The following EPHB2 variants were observed in gnomAD, a reference collection of about 807,000 sequenced individuals.
The protein encoded by EPHB2 is ephrin type-B receptor 2.
EPHB2 carries 18 observed loss-of-function variants against 96.4 expected under a neutral mutation model. That is an observed-to-expected ratio of 0.19 (90% confidence interval 0.13 to 0.28). EPHB2 has a LOEUF of 0.28. Ranked by LOEUF, EPHB2 falls within the 10% of genes least tolerant of loss-of-function variation. EPHB2 has a pLI of 1.00. For missense variants in EPHB2, 989 were observed against 1,355.4 expected, an observed-to-expected ratio of 0.73 and a Z score of 4.25; for synonymous variants, 506 against 534.1, an observed-to-expected ratio of 0.95 and a Z score of 0.72.
intron 1 of EPHB2, among the ~76,000 whole-genome samples, chr1:22,759,820 G>A (rs1644209718): frequency 6.6e-6 from 1 of 152,136 alleles, no homozygotes; most frequent in Admixed American, 6.5e-5. Context: ...GATGACTGTA[G>A]CACCCTCTGG....
At chr1:22,769,302 T>C (rs1644347508) in intron 1 of EPHB2, among the ~76,000 whole-genome samples, 2 of 152,216 alleles carry the variant, frequency 1.3e-5, no homozygotes, top group Admixed American at 6.5e-5. Context: ...TGGAAAGTGC[T>C]TGGGAACTAG....
intron 1 of EPHB2, among the ~76,000 whole-genome samples, chr1:22,712,588 G>A (rs1643183120): frequency 6.6e-6 from 1 of 152,174 alleles, no homozygotes; most frequent in South Asian, 2.1e-4. Flanking sequence ...GGGGTGGGGG[G>A]TGTCCCTGGA....
At chr1:22,876,846 C>T (rs1638853974) in intron 5 of EPHB2, among the ~76,000 whole-genome samples, 1 of 152,228 alleles carries the variant, frequency 6.6e-6, no homozygotes, top group Non-Finnish European at 1.5e-5. Flanking sequence ...TGATCATCTT[C>T]CTGGCAAATG....
chr1:22,778,413 C>G (rs1316048598), intron 1 of EPHB2, among the ~76,000 whole-genome samples: 1 of 152,206 alleles, frequency 6.6e-6, no homozygotes, highest in Non-Finnish European at 1.5e-5. Flanking sequence ...GGTCTGTCTG[C>G]TCTGCTCATC....
rs1363893738 is a variant in EPHB2 at position 22,913,877 on chromosome 1, G to A, written c.*307G>A. The stretch of plus-strand genomic sequence containing the variant: ...CTGTTCTTGCGGGGGATAAAAAAGG[G>A]CTTGGGAGATTCATGCGATGTGTCC... On this transcript the variant is annotated 3_prime_UTR_variant, in exon 16 of 16. Coordinates refer to ENST00000374630, the MANE Select transcript of EPHB2 (RefSeq NM_017449.5). This position sits in a 1 kb window ranked among gnomAD's most constrained non-coding sequence, Gnocchi z 4.1. 2 of 1,588,328 alleles carry A rather than the reference G, an allele frequency of 1.3e-6. No homozygotes were observed. The highest frequency in any genetic ancestry group is 2.7e-5 in the African/African-American group (2 of 73,574).
intron 3 of EPHB2, among the ~76,000 whole-genome samples, chr1:22,823,473 GC>G (rs1254163163): frequency 6.6e-6 from 1 of 152,170 alleles, no homozygotes; most frequent in East Asian, 1.9e-4. Context: ...TTCACAAAAT[GC>G]TTCCTGTGTG....
chr1:22,902,286 G>A (rs1182508403), intron 9 of EPHB2, among the ~76,000 whole-genome samples: 1 of 152,230 alleles, frequency 6.6e-6, no homozygotes. Context: ...GGGTTGTTAG[G>A]AGGATTAATT....
rs1263974391 is a variant in EPHB2 at position 22,846,845 on chromosome 1, C to T, written c.812-16192C>T. The stretch of plus-strand genomic sequence containing the variant: ...CCCTCCTCTGGGCTTCCAGACCCAG[C>T]GCCTCTTCCCCACAGGCTTCCCCAG... On this transcript the variant is annotated intron_variant, in intron 3 of 15. Transcript: ENST00000374630. This position sits in a 1 kb window ranked among gnomAD's most constrained non-coding sequence, Gnocchi z 4.3. Among the ~76,000 whole-genome samples the T allele has an allele frequency of 6.6e-6, 1 of 152,222 alleles. No individual in the cohort carries two copies. Among genetic ancestry groups the T allele is most frequent in the Admixed American group, 6.5e-5 (1 of 15,276 alleles).
intron 8 of EPHB2, among the ~76,000 whole-genome samples, chr1:22,895,905 C>T (rs1215936053): frequency 6.6e-6 from 1 of 152,198 alleles, no homozygotes; most frequent in Non-Finnish European, 1.5e-5. Flanking sequence ...ACAGATTGTC[C>T]TGCTTTCTGC....
intron 2 of EPHB2, 141 bp downstream of exon 2, chr1:22,781,626 C>A: frequency 1.3e-6 from 1 of 768,226 alleles, no homozygotes; most frequent in Non-Finnish European, 2.2e-6. Context: ...CCCACCCTCC[C>A]AATCCCCTAC....
At position 22,818,139 on chromosome 1, in the gene EPHB2, C is replaced by T. The variant is rs553998011; in HGVS notation, c.811+33063C>T. ...TCCCTTACTACAGCTGACCCTTTCA[C>T]CCTCTGCCAGACCACGTGGTCCACC... On this transcript the variant is annotated intron_variant, in intron 3 of 15. Coordinates refer to ENST00000374630, the MANE Select transcript of EPHB2 (RefSeq NM_017449.5). Among the ~76,000 whole-genome samples, 21 of 152,230 alleles carry T rather than the reference C, an allele frequency of 1.4e-4. 1 individual carries two copies. The highest frequency in any genetic ancestry group is 5.1e-4 in the African/African-American group (21 of 41,532).
In EPHB2 at chr1:22,867,867, A is replaced by G. The variant is rs139698673; in HGVS notation, c.1303+2655A>G. Among the ~76,000 whole-genome samples the G allele has an allele frequency of 4.6e-5, 7 of 152,314 alleles. No homozygotes were observed. In the East Asian group the frequency reaches 1.2e-3, roughly 25 times the overall value. Reference sequence around the variant, plus strand: ...AGCCTGAATGACAAAGCGAGATTCCATCTCGAAGAAGAAGAAAAAAAAAGT... The same window carrying G: ...AGCCTGAATGACAAAGCGAGATTCCGTCTCGAAGAAGAAGAAAAAAAAAGT... On this transcript the variant is annotated intron_variant, in intron 5 of 15. Coordinates refer to ENST00000374630, the MANE Select transcript of EPHB2 (RefSeq NM_017449.5).
intron 3 of EPHB2, among the ~76,000 whole-genome samples, chr1:22,856,090 G>T (rs1266946601): frequency 6.6e-6 from 1 of 152,130 alleles, no homozygotes; most frequent in African/African-American, 2.4e-5. Flanking sequence ...CACTGGGCCT[G>T]ACCCAGCGAT....
intron 1 of EPHB2, chr1:22,719,479 T>C (rs1162013168): frequency 3.2e-5 from 5 of 154,312 alleles, no homozygotes; most frequent in African/African-American, 1.2e-4. Context: ...ATGGCCACAG[T>C]TGGCTGGAGT....
intron 1 of EPHB2, among the ~76,000 whole-genome samples, chr1:22,770,634 A>G (rs563770587): frequency 6.6e-6 from 1 of 152,372 alleles, no homozygotes; most frequent in East Asian, 1.9e-4. Flanking sequence ...CTAAGAGGCC[A>G]CATAGCAAAG....
intron 3 of EPHB2, among the ~76,000 whole-genome samples, chr1:22,792,868 G>T (rs889549420): frequency 1.3e-5 from 2 of 152,208 alleles, no homozygotes; most frequent in Non-Finnish European, 2.9e-5. Context: ...AGCAGAGCAG[G>T]CAGGGAGGGT....
At chr1:22,836,479 G>A (rs960735244) in intron 3 of EPHB2, among the ~76,000 whole-genome samples, 4 of 152,222 alleles carry the variant, frequency 2.6e-5, no homozygotes, top group African/African-American at 9.6e-5. Flanking sequence ...AATGTTGTGC[G>A]TTGGACATTT....
intron 1 of EPHB2, chr1:22,775,307 C>G: frequency 1.3e-6 from 1 of 774,528 alleles, no homozygotes; most frequent in South Asian, 1.4e-5. Flanking sequence ...ATAGTATATA[C>G]TTCTGGAGGT....
At position 22,915,618 on chromosome 1, in the gene EPHB2, G is replaced by A. The variant is rs1027776095; in HGVS notation, c.*2048G>A. The A allele has an allele frequency of 6.6e-6, 1 of 152,250 alleles. No individual in the cohort carries two copies. Among genetic ancestry groups the A allele is most frequent in the Non-Finnish European group, 1.5e-5 (1 of 68,064 alleles). 9.4% of individuals were successfully genotyped at this position (152,250 alleles called of 1,614,324 possible). ...GGTACATAAGTAGCAGAGAATTGAC[G>A]AGAGTGCACTCGGAAGAGGGTCTGA... On this transcript the variant is annotated 3_prime_UTR_variant, in exon 16 of 16. Transcript: ENST00000374630.
Sources: allele counts gnomAD v4.1 joint callset (sites outside exome capture counted in the v4.1 genomes callset), GRCh38; gene constraint gnomAD v4.1.1; non-coding constraint Gnocchi (gnomAD v3.1); transcripts MANE v1.5; gene names NCBI Gene and HGNC (gene_info 2026-07-23, HGNC 2026-07-21).